LHPP: variants seen among roughly 807,000 people sequenced by gnomAD.
LHPP encodes hLHPP.
In LHPP, 24 loss-of-function variants were observed where a neutral mutation model predicts 30.3. The ratio of observed to expected loss-of-function variants is 0.79; its 90% CI spans 0.57 to 1.11. The LOEUF (loss-of-function observed/expected upper bound fraction) is 1.11. Ranked by LOEUF, LHPP falls within the 50% of genes most tolerant of loss-of-function variation. The pLI, the probability that LHPP is intolerant of heterozygous loss-of-function variation, is 0.00. For synonymous variants in LHPP, 150 were observed against 157.1 expected, an observed-to-expected ratio of 0.95 and a Z score of 0.34; for missense variants, 356 against 367.2, an observed-to-expected ratio of 0.97 and a Z score of 0.25.
At chr10:124,465,100 G>A (rs748190109) in intron 1 of LHPP, among the ~76,000 whole-genome samples, 6 of 152,142 alleles carry the variant, frequency 3.9e-5, no homozygotes, top group African/African-American at 1.4e-4. Flanking sequence ...TGTGATGGAC[G>A]AGGGTGGCCT....
At chr10:124,553,733 A>G (rs1019809317) in intron 6 of LHPP, among the ~76,000 whole-genome samples, 3 of 152,196 alleles carry the variant, frequency 2.0e-5, no homozygotes, top group Non-Finnish European at 4.4e-5. Flanking sequence ...TGCCGGGATT[A>G]CAGGCGTGAG....
rs538551095 is a variant in LHPP at position 124,547,524 on chromosome 10, G to A, written c.716+30253G>A. 6.6e-5 allele frequency among the ~76,000 whole-genome samples: 10 copies of A among 152,354 alleles called. No individual in the cohort carries two copies. In the South Asian group the frequency reaches 8.3e-4, roughly 13 times the overall value. On this transcript the variant is annotated intron_variant, in intron 6 of 6. Transcript: ENST00000368842. ...CAAATAGGGTGAGCTTCTGTCTCCC[G>A]TCTCTTGGGTGTCTTTTCCACCTGG...
chr10:124,526,863 G>A (rs1171384818), intron 6 of LHPP, among the ~76,000 whole-genome samples: 1 of 152,204 alleles, frequency 6.6e-6, no homozygotes, highest in Non-Finnish European at 1.5e-5. Context: ...GGTGGGGAGG[G>A]GACCCAGGCA....
intron 6 of LHPP, among the ~76,000 whole-genome samples, chr10:124,601,511 G>A (rs1199525273): frequency 6.6e-6 from 1 of 152,314 alleles, no homozygotes; most frequent in East Asian, 1.9e-4. Context: ...GGAGTCTCTG[G>A]AGACCACCAA....
At chr10:124,557,593 A>G (rs1187914028) in intron 6 of LHPP, among the ~76,000 whole-genome samples, 1 of 152,228 alleles carries the variant, frequency 6.6e-6, no homozygotes, top group Non-Finnish European at 1.5e-5. Context: ...AGAGTAAATC[A>G]CAGTCCACTT....
chr10:124,522,120 C>T (rs1331153805), intron 6 of LHPP, among the ~76,000 whole-genome samples: 1 of 152,180 alleles, frequency 6.6e-6, no homozygotes, highest in Non-Finnish European at 1.5e-5. Context: ...AAGCATCATC[C>T]CCGGGCAGGG....
At chr10:124,550,341 C>T (rs375370978) in intron 6 of LHPP, among the ~76,000 whole-genome samples, 345 of 152,352 alleles carry the variant, frequency 2.3e-3, no homozygotes, top group African/African-American at 8.0e-3. Flanking sequence ...GTGACTGTCC[C>T]CCCTTCTCCC....
chr10:124,598,130 G>A (rs551145099), intron 6 of LHPP, among the ~76,000 whole-genome samples: 2 of 152,336 alleles, frequency 1.3e-5, no homozygotes, highest in South Asian at 2.1e-4. Context: ...TACCTCCCCG[G>A]CTGCTGTGAA....
At chr10:124,599,735 G>A (rs1296540126) in intron 6 of LHPP, among the ~76,000 whole-genome samples, 2 of 152,250 alleles carry the variant, frequency 1.3e-5, no homozygotes, top group Non-Finnish European at 2.9e-5. Flanking sequence ...CTGGCCCACT[G>A]CTTGGGGCCT....
intron 3 of LHPP, among the ~76,000 whole-genome samples, chr10:124,489,441 G>A (rs1270028313): frequency 1.3e-5 from 2 of 152,074 alleles, no homozygotes; most frequent in African/African-American, 2.4e-5. Context: ...GTTATCTATG[G>A]TGTGGCTATC....
At chr10:124,558,596 G>A (rs377752671) in intron 6 of LHPP, among the ~76,000 whole-genome samples, 2 of 152,214 alleles carry the variant, frequency 1.3e-5, no homozygotes, top group South Asian at 4.1e-4. Flanking sequence ...GGGCATCCTG[G>A]TCAGCCCTGT....
chr10:124,500,097 A>C (rs1953855043), intron 5 of LHPP, among the ~76,000 whole-genome samples: 1 of 152,000 alleles, frequency 6.6e-6, no homozygotes, highest in South Asian at 2.1e-4. Context: ...AATGATACAG[A>C]CACCCCATTA....
chr10:124,486,786 C>T (rs149564289), intron 2 of LHPP, among the ~76,000 whole-genome samples: 1 of 152,298 alleles, frequency 6.6e-6, no homozygotes, highest in Non-Finnish European at 1.5e-5. Context: ...CAGGTGTTCA[C>T]TGTAAGCCAA....
chr10:124,570,427 A>G (rs893085238), intron 6 of LHPP, among the ~76,000 whole-genome samples: 2 of 152,256 alleles, frequency 1.3e-5, no homozygotes, highest in Non-Finnish European at 2.9e-5. Flanking sequence ...CCCAAATCAG[A>G]GGTGTGACCC....
chr10:124,473,394 G>A (rs1173472635), intron 1 of LHPP, among the ~76,000 whole-genome samples: 1 of 152,156 alleles, frequency 6.6e-6, no homozygotes, highest in Non-Finnish European at 1.5e-5. Flanking sequence ...CTTTTGAGGG[G>A]GACTGAGGGC....
chr10:124,609,390 C>T (rs1444765049), intron 6 of LHPP, among the ~76,000 whole-genome samples: 1 of 152,124 alleles, frequency 6.6e-6, no homozygotes, highest in East Asian at 1.9e-4. Context: ...CTACAGGCGC[C>T]TGCCACTACA....
intron 1 of LHPP, among the ~76,000 whole-genome samples, chr10:124,471,060 T>C (rs1952717303): frequency 6.6e-6 from 1 of 152,250 alleles, no homozygotes; most frequent in South Asian, 2.1e-4. Context: ...CCTGTGAATA[T>C]ACAGAGTGAA....
chr10:124,476,961 A>G (rs893792896), intron 1 of LHPP, among the ~76,000 whole-genome samples: 1 of 152,202 alleles, frequency 6.6e-6, no homozygotes, highest in Non-Finnish European at 1.5e-5. Flanking sequence ...TAATCCCAGC[A>G]CTTTGGGAGG....
chr10:124,575,213 T>C (rs1948642035), intron 6 of LHPP, among the ~76,000 whole-genome samples: 1 of 152,044 alleles, frequency 6.6e-6, no homozygotes. Flanking sequence ...TCAAGGTTCA[T>C]GTCACCAGTC....
Sources: allele counts gnomAD v4.1 joint callset (sites outside exome capture counted in the v4.1 genomes callset), GRCh38; gene constraint gnomAD v4.1.1; transcripts MANE v1.5; gene names NCBI Gene and HGNC (gene_info 2026-07-23, HGNC 2026-07-21).